The following UNC13C variants were observed in gnomAD, a reference collection of about 807,000 sequenced individuals.
UNC13C encodes protein unc-13 homolog C.
In UNC13C, 174 loss-of-function variants were observed where a neutral mutation model predicts 245.4. That is an observed-to-expected ratio of 0.71 (90% CI 0.63 to 0.80). The LOEUF is 0.80. Ranked by LOEUF, UNC13C falls within the 30% of genes least tolerant of loss-of-function variation. The probability of loss-of-function intolerance (pLI) is 0.00; values close to 1 mark genes in which losing one functional copy is unlikely to be tolerated. For synonymous variants in UNC13C, 992 were observed against 895.1 expected (o/e 1.11, Z -1.93); for missense variants, 2,829 against 2,602.9 (o/e 1.09, Z -1.89).
intron 8 of UNC13C, 84 bp from the exon 9 acceptor site, chr15:54,264,084 C>A (rs1033848647): frequency 8.7e-6 from 12 of 1,373,692 alleles, no homozygotes; most frequent in Non-Finnish European, 1.0e-5. Flanking sequence ...TTCATTCTCA[C>A]TTCCTCCTCC....
intron 4 of UNC13C, among the ~76,000 whole-genome samples, chr15:54,150,832 T>C (rs901611396): frequency 1.3e-5 from 2 of 152,188 alleles, no homozygotes; most frequent in Admixed American, 1.3e-4. Context: ...AAATTTACTA[T>C]CTATATTCCC....
intron 19 of UNC13C, among the ~76,000 whole-genome samples, chr15:54,490,730 A>G (rs1893662281): frequency 6.6e-6 from 1 of 152,052 alleles, no homozygotes; most frequent in Non-Finnish European, 1.5e-5. Context: ...ATTTAAAAAC[A>G]TGAGTAGAGA....
At chr15:54,455,466 A>G (rs886806129) in intron 19 of UNC13C, among the ~76,000 whole-genome samples, 8 of 148,568 alleles carry the variant, frequency 5.4e-5, no homozygotes, top group African/African-American at 2.0e-4. Context: ...TTACTAGTTT[A>G]CATTCCCTCT....
intron 2 of UNC13C, among the ~76,000 whole-genome samples, chr15:54,078,441 TTACGTTTCTGCCAATAGTGTA>T (rs1476798945): frequency 6.6e-6 from 1 of 152,210 alleles, no homozygotes; most frequent in Non-Finnish European, 1.5e-5. Context: ...ATGAGCTAAT[TTACGTTTCTGCCAATAGTGTA>T]TAAGTGTTCC....
At chr15:53,846,929 G>C in the UNC13C span, among the ~76,000 whole-genome samples, 1 of 152,088 alleles carries the variant, frequency 6.6e-6, no homozygotes, top group Non-Finnish European at 1.5e-5. Flanking sequence ...CCATAATCTG[G>C]CTTTGGAGGA....
At chr15:54,408,796 G>GT (rs1406371141) in intron 18 of UNC13C, among the ~76,000 whole-genome samples, 2 of 152,060 alleles carry the variant, frequency 1.3e-5, no homozygotes, top group Admixed American at 6.5e-5. Context: ...CTTCTATAGT[G>GT]TTTTTTATGA....
At chr15:54,455,205 C>CTCTATATATATA (rs1388065398) in intron 19 of UNC13C, among the ~76,000 whole-genome samples, 19 of 18,914 alleles carry the variant, frequency 1.0e-3, no homozygotes, top group Non-Finnish European at 1.3e-3. Flanking sequence ...CTCTCTCTCT[C>CTCTATATATATA]TATATATATA....
At chr15:54,168,651 G>C (rs890664080) in intron 4 of UNC13C, among the ~76,000 whole-genome samples, 1 of 152,036 alleles carries the variant, frequency 6.6e-6, no homozygotes, top group Non-Finnish European at 1.5e-5. Flanking sequence ...TTATTTTTGA[G>C]GTAGTTTATG....
the UNC13C span, among the ~76,000 whole-genome samples, chr15:53,922,092 C>G: frequency 6.6e-6 from 1 of 152,082 alleles, no homozygotes; most frequent in East Asian, 1.9e-4. Context: ...TTTGGTCATG[C>G]TTGAAATTTA....
At chr15:54,430,649 GTTATC>G (rs1455703485) in intron 19 of UNC13C, among the ~76,000 whole-genome samples, 2 of 151,656 alleles carry the variant, frequency 1.3e-5, no homozygotes, top group Admixed American at 6.6e-5. Flanking sequence ...TGTTAAAGGA[GTTATC>G]TTAAGTCTTG....
intron 28 of UNC13C, among the ~76,000 whole-genome samples, chr15:54,551,290 A>G (rs1896725808): frequency 1.3e-5 from 2 of 152,052 alleles, no homozygotes; most frequent in African/African-American, 2.4e-5. Context: ...TCTTGTAGAG[A>G]AAAACACCCA....
chr15:54,392,855 A>G (rs1408552003), intron 17 of UNC13C, among the ~76,000 whole-genome samples, 193 bp from the exon 18 acceptor site: 1 of 152,032 alleles, frequency 6.6e-6, no homozygotes, highest in Non-Finnish European at 1.5e-5. Flanking sequence ...AATACAAGCC[A>G]GGCCACTGTG....
intron 30 of UNC13C, among the ~76,000 whole-genome samples, chr15:54,591,946 T>C (rs906255143): frequency 6.6e-6 from 1 of 152,174 alleles, no homozygotes; most frequent in Non-Finnish European, 1.5e-5. Flanking sequence ...TGAACTTTCC[T>C]GTTAACACCA....
chr15:54,182,777 C>CAAG (rs2141306058), intron 4 of UNC13C, among the ~76,000 whole-genome samples: 1 of 151,616 alleles, frequency 6.6e-6, no homozygotes, highest in South Asian at 2.1e-4. Context: ...AAAATAATTC[C>CAAG]AAGAAGCATG....
chr15:54,317,062 A>G (rs915561802), intron 13 of UNC13C, among the ~76,000 whole-genome samples: 10 of 151,976 alleles, frequency 6.6e-5, no homozygotes, highest in African/African-American at 2.4e-4. Context: ...TGGCTTGAAT[A>G]GGAAAAAAAT....
Position 54,175,076 on chromosome 15 carries a change from T to C in UNC13C, c.3071+31392T>C, listed in dbSNP as rs546758689. Among the ~76,000 whole-genome samples, 9 of 152,204 alleles carry C rather than the reference T, an allele frequency of 5.9e-5. No individual in the cohort carries two copies. The South Asian group carries it at 1.9e-3, about 32-fold the overall frequency. ...AACCTGCGCCTTTATCTTTCTCAAC[T>C]CCTTAATTCCCCAGCCTTTGGCTAC... is the stretch of plus-strand genomic sequence containing the variant. On this transcript the variant is annotated intron_variant, in intron 4 of 32. Coordinates refer to ENST00000260323, the MANE Select transcript of UNC13C (RefSeq NM_001080534.3).
the UNC13C span, among the ~76,000 whole-genome samples, chr15:53,870,117 A>G: frequency 1.3e-5 from 2 of 152,326 alleles, no homozygotes; most frequent in African/African-American, 4.8e-5. Flanking sequence ...TTTACATGAA[A>G]ATAAATCCTT....
chr15:53,896,184 C>G, the UNC13C span, among the ~76,000 whole-genome samples: 149,877 of 152,026 alleles, frequency 0.99, 73,914 homozygotes, highest in Middle Eastern at 1. Context: ...ACACATTTTT[C>G]GTTGAAAAGT....
the UNC13C span, among the ~76,000 whole-genome samples, chr15:53,840,648 T>C: frequency 6.6e-6 from 1 of 152,162 alleles, no homozygotes; most frequent in Admixed American, 6.6e-5. Flanking sequence ...CAGGTTCTAA[T>C]AACACTTGCA....
Sources: allele counts gnomAD v4.1 joint callset (sites outside exome capture counted in the v4.1 genomes callset), GRCh38; gene constraint gnomAD v4.1.1; transcripts MANE v1.5; gene names NCBI Gene and HGNC (gene_info 2026-07-23, HGNC 2026-07-21).